Variants in CACNA2D3 observed in about 807,000 individuals in gnomAD.
CACNA2D3 encodes voltage-dependent calcium channel subunit alpha-2/delta-3.
Under a neutral mutation model 160.6 loss-of-function variants are expected in CACNA2D3, and 60 were observed. That is an observed-to-expected ratio of 0.37 (90% CI 0.30 to 0.46). CACNA2D3 has a LOEUF of 0.46. Ranked by LOEUF, CACNA2D3 falls within the 20% of genes least tolerant of loss-of-function variation. The pLI, the probability that CACNA2D3 is intolerant of heterozygous loss-of-function variation, is 1.00. For synonymous variants in CACNA2D3, 558 were observed against 492.9 expected, an observed-to-expected ratio of 1.13 and a Z score of -1.75; for missense variants, 1,205 against 1,365.0, an observed-to-expected ratio of 0.88 and a Z score of 1.85.
chr3:54,285,807 C>T (rs928013118), intron 2 of CACNA2D3, among the ~76,000 whole-genome samples: 2 of 152,186 alleles, frequency 1.3e-5, no homozygotes, highest in African/African-American at 4.8e-5. Context: ...CTGCTGATAC[C>T]CTGGCAAACA....
chr3:54,595,825 A>G (rs1247436674), intron 9 of CACNA2D3, among the ~76,000 whole-genome samples: 1 of 152,110 alleles, frequency 6.6e-6, no homozygotes, highest in Admixed American at 6.5e-5. Context: ...GGGGAGTAGT[A>G]TGTTCCCAGA....
At chr3:54,276,296 G>A (rs1003374215) in intron 2 of CACNA2D3, among the ~76,000 whole-genome samples, 1 of 152,150 alleles carries the variant, frequency 6.6e-6, no homozygotes, top group Non-Finnish European at 1.5e-5. Context: ...GAGGCCAGAC[G>A]CAGTGGCTCA....
At chr3:54,528,687 C>T (rs1301285916) in intron 5 of CACNA2D3, among the ~76,000 whole-genome samples, 1 of 152,130 alleles carries the variant, frequency 6.6e-6, no homozygotes, top group Admixed American at 6.5e-5. Flanking sequence ...GTGAACCTTT[C>T]CTCTAATTAT....
Position 54,943,503 on chromosome 3 carries a change from G to A in CACNA2D3, c.2450-24947G>A, listed in dbSNP as rs144225927. 3.9e-5 allele frequency among the ~76,000 whole-genome samples: 6 copies of A among 152,134 alleles called. 1 individual carries two copies. Among genetic ancestry groups the A allele is most frequent in the African/African-American group, 1.2e-4 (5 of 41,488 alleles). On this transcript the variant is annotated intron_variant, in intron 27 of 37. Coordinates refer to ENST00000474759, the MANE Select transcript of CACNA2D3 (RefSeq NM_018398.3). ...CATTGTTCTTGATTAATTAGTCAGCGAATATATTATTAGGACAATCTATGT... is the reference window on the plus strand; with the variant it reads ...CATTGTTCTTGATTAATTAGTCAGCAAATATATTATTAGGACAATCTATGT...
At position 54,122,682 on chromosome 3, in the gene CACNA2D3, C is replaced by T. The variant is rs1427226183; in HGVS notation, c.-32C>T. 9.2e-7 allele frequency: 1 copy of T among 1,085,822 alleles called. No individual in the cohort carries two copies. 67.3% of individuals were successfully genotyped at this position (1,085,822 alleles called of 1,614,324 possible). A position where few individuals can be genotyped will look rare whatever the true frequency, so the allele number is the denominator to read the frequency against. On this transcript the variant is annotated 5_prime_UTR_variant, in exon 1 of 38. Transcript: ENST00000474759. ...AGCTCCCCGCGGCCGCTCTCGTCGC[C>T]GCCGCAGCGGGCGCGTCGGAGGGAG...
intron 25 of CACNA2D3, chr3:54,894,752 A>C (rs1700150234): frequency 2.3e-6 from 1 of 439,690 alleles, no homozygotes; most frequent in South Asian, 1.6e-5. Context: ...GAAGAATTTC[A>C]TGTCTAGCGA....
Position 54,921,374 on chromosome 3 carries a change from G to A in CACNA2D3, c.2449+21506G>A, listed in dbSNP as rs1700845656. Among the ~76,000 whole-genome samples, 3 of 152,136 alleles carry A rather than the reference G, an allele frequency of 2.0e-5. No individual in the cohort carries two copies. In the South Asian group the frequency reaches 6.2e-4, roughly 32 times the overall value. ...GACTCAGTTGGATAAAATATATCAA[G>A]TATTTAGCATAATACCTAGCTCAGA... is the stretch of plus-strand genomic sequence containing the variant. On this transcript the variant is annotated intron_variant, in intron 27 of 37. Transcript: ENST00000474759.
chr3:55,004,280 G>A (rs1168261826), intron 31 of CACNA2D3, among the ~76,000 whole-genome samples: 2 of 152,196 alleles, frequency 1.3e-5, no homozygotes, highest in African/African-American at 2.4e-5. Context: ...CTTTGTCAAT[G>A]TACAGGGCTT....
intron 2 of CACNA2D3, among the ~76,000 whole-genome samples, chr3:54,282,416 C>G (rs1333915905): frequency 6.6e-6 from 1 of 152,170 alleles, no homozygotes; most frequent in Non-Finnish European, 1.5e-5. Flanking sequence ...AACAAACCAT[C>G]AGGTGTGAGG....
intron 12 of CACNA2D3, among the ~76,000 whole-genome samples, chr3:54,761,721 G>A (rs138699037): frequency 2.7e-3 from 404 of 152,322 alleles, no homozygotes; most frequent in African/African-American, 9.4e-3. Context: ...GGATGGGAAA[G>A]GCTCTGACCC....
chr3:54,149,924 T>TCTCC (rs1559863323), intron 2 of CACNA2D3, among the ~76,000 whole-genome samples: 1 of 48,710 alleles, frequency 2.1e-5, no homozygotes, highest in Admixed American at 1.9e-4. Flanking sequence ...TCTCTCTCTC[T>TCTCC]CTCTCTCCCT....
intron 2 of CACNA2D3, among the ~76,000 whole-genome samples, chr3:54,191,547 G>A (rs531585615): frequency 2.6e-4 from 40 of 152,114 alleles, no homozygotes; most frequent in African/African-American, 8.9e-4. Context: ...GCTGTTTTTT[G>A]TCTGTGTTTT....
rs71096434 is a variant in CACNA2D3, at chr3:54,678,720, C to CAA, written c.1167+36507_1167+36508dup. Among the ~76,000 whole-genome samples, 307 of 45,890 alleles carry CAA rather than the reference C, an allele frequency of 6.7e-3. 60 individuals are homozygous for CAA. Among genetic ancestry groups the CAA allele is most frequent in the African/African-American group, 0.011 (115 of 10,310 alleles). The allele number at this position is 45,890 out of a possible 152,430, so 30.1% of individuals were successfully genotyped here. A position where few individuals can be genotyped will look rare whatever the true frequency, so the allele number is the denominator to read the frequency against. On this transcript the variant is annotated intron_variant, in intron 11 of 37. Coordinates refer to ENST00000474759, the MANE Select transcript of CACNA2D3 (RefSeq NM_018398.3). ...TGGGTGACAGAGTGAGACTCGGTCT[C>CAA]AAAAAAAAAAAAAAAAAAAAAAAAA...
chr3:54,526,478 G>A (rs1468139457), intron 5 of CACNA2D3, among the ~76,000 whole-genome samples: 1 of 152,136 alleles, frequency 6.6e-6, no homozygotes, highest in East Asian at 1.9e-4. Context: ...TCAGCCTCTG[G>A]GGTTCGTTAT....
At chr3:54,216,083 T>G (rs1701457617) in intron 2 of CACNA2D3, among the ~76,000 whole-genome samples, 1 of 152,128 alleles carries the variant, frequency 6.6e-6, no homozygotes. Flanking sequence ...TGAGAGCTTG[T>G]GCGCTGTGTT....
At chr3:54,464,608 G>A (rs1032469584) in intron 4 of CACNA2D3, among the ~76,000 whole-genome samples, 4 of 152,320 alleles carry the variant, frequency 2.6e-5, no homozygotes, top group East Asian at 1.9e-4. Flanking sequence ...CTGGTGTGCC[G>A]TTTTTTAAGC....
intron 3 of CACNA2D3, among the ~76,000 whole-genome samples, chr3:54,368,148 A>T (rs1235017728): frequency 6.6e-6 from 1 of 152,170 alleles, no homozygotes; most frequent in Non-Finnish European, 1.5e-5. Context: ...AAGAGTTATT[A>T]TTTTAATGCT....
chr3:54,843,982 T>G (rs1698877255), intron 16 of CACNA2D3, among the ~76,000 whole-genome samples: 1 of 152,070 alleles, frequency 6.6e-6, no homozygotes, highest in Admixed American at 6.5e-5. Flanking sequence ...TGTTGGATAC[T>G]TGGTTTGCCA....
At chr3:54,572,753 C>T (rs1192677198) in intron 8 of CACNA2D3, among the ~76,000 whole-genome samples, 1 of 152,138 alleles carries the variant, frequency 6.6e-6, no homozygotes, top group East Asian at 1.9e-4. Context: ...GGCTTGATCC[C>T]CACACATCCT....
Sources: allele counts gnomAD v4.1 joint callset (sites outside exome capture counted in the v4.1 genomes callset), GRCh38; gene constraint gnomAD v4.1.1; transcripts MANE v1.5; gene names NCBI Gene and HGNC (gene_info 2026-07-23, HGNC 2026-07-21).